Variants in SIPA1L1 observed in about 807,000 individuals in gnomAD.
SIPA1L1 encodes the protein signal induced proliferation associated 1 like 1.
A neutral mutation model predicts 162.7 loss-of-function variants in SIPA1L1; 26 were observed. The ratio of observed to expected loss-of-function variants is 0.16; its 90% CI spans 0.12 to 0.22. The LOEUF (loss-of-function observed/expected upper bound fraction) is 0.22. Among genes scored for constraint, SIPA1L1 ranks in the 10% least tolerant of loss-of-function variants. SIPA1L1 has a pLI of 1.00. For missense variants in SIPA1L1, 1,874 were observed against 2,241.0 expected (o/e 0.84, Z 3.31); for synonymous variants, 829 against 837.4 (o/e 0.99, Z 0.17).
chr14:71,544,549 G>A (rs1016306074), intron 4 of SIPA1L1, among the ~76,000 whole-genome samples: 1 of 151,714 alleles, frequency 6.6e-6, no homozygotes, highest in African/African-American at 2.4e-5. Flanking sequence ...GCCAATATTG[G>A]GAAGATATTT....
chr14:71,391,584 A>G (rs2040763192), intron 2 of SIPA1L1, among the ~76,000 whole-genome samples: 1 of 152,232 alleles, frequency 6.6e-6, no homozygotes, highest in Non-Finnish European at 1.5e-5. Flanking sequence ...AAAATGATCC[A>G]GGTCCTGTAG....
chr14:71,663,643 GT>G (rs2043737892), intron 10 of SIPA1L1, among the ~76,000 whole-genome samples: 1 of 152,138 alleles, frequency 6.6e-6, no homozygotes, highest in East Asian at 1.9e-4. Context: ...TCAGTGCTTT[GT>G]TTTTTTATTT....
At chr14:71,427,692 G>A (rs537709108) in intron 2 of SIPA1L1, among the ~76,000 whole-genome samples, 1 of 152,008 alleles carries the variant, frequency 6.6e-6, no homozygotes, top group Admixed American at 6.5e-5. Flanking sequence ...CCTCAAATCT[G>A]CCTTTGATTC....
chr14:71,639,622 T>C (rs1446466718), intron 7 of SIPA1L1, among the ~76,000 whole-genome samples: 1 of 152,182 alleles, frequency 6.6e-6, no homozygotes, highest in African/African-American at 2.4e-5. Flanking sequence ...CCTAAAACAA[T>C]CTGAGAAAGA....
At position 71,685,583 on chromosome 14, in the gene SIPA1L1, C is replaced by G. The variant is rs144712845; in HGVS notation, c.3326C>G (p.Ala1109Gly). The G allele has an allele frequency of 1.1e-5, 18 of 1,614,206 alleles. No homozygotes were observed. In the African/African-American group the frequency reaches 1.3e-4, roughly 12 times the overall value. ...AAGATGCCTCCTCCAGAAAGAGCCG[C>G]CAACATCCCTCGAAGCATCTCCAGT... Reference protein sequence around the residue: ...DGKMPPPERAANIPRSISSDG... With the variant: ...DGKMPPPERAGNIPRSISSDG... Residue 1109 changes from alanine to glycine, a missense_variant, in exon 13 of 24, where the codon GCC becomes GGC. Transcript: ENST00000381232.
chr14:71,398,960 T>C (rs1394423640), intron 2 of SIPA1L1, among the ~76,000 whole-genome samples: 1 of 152,268 alleles, frequency 6.6e-6, no homozygotes, highest in African/African-American at 2.4e-5. Context: ...AGTAAATACA[T>C]ATTCTTAAAT....
At chr14:71,626,763 G>A (rs1362056951) in intron 7 of SIPA1L1, among the ~76,000 whole-genome samples, 2 of 152,046 alleles carry the variant, frequency 1.3e-5, no homozygotes, top group African/African-American at 4.8e-5. Context: ...TGGTTTAAAT[G>A]ATTCTTTTAA....
intron 2 of SIPA1L1, among the ~76,000 whole-genome samples, chr14:71,343,270 C>T (rs145750365): frequency 7.2e-4 from 109 of 152,268 alleles, no homozygotes; most frequent in African/African-American, 2.4e-3. Context: ...CCACAAAGTC[C>T]GTTTCTAAAT....
Sources: gnomAD v4.1 joint callset for allele counts (sites outside exome capture counted in the v4.1 genomes callset) on GRCh38, gnomAD v4.1.1 for gene constraint, MANE v1.5 for transcripts, NCBI Gene and HGNC (gene_info 2026-07-23, HGNC 2026-07-21) for gene names.